WDR70: variants seen among roughly 807,000 people sequenced by gnomAD.
WDR70 encodes WD repeat-containing protein 70.
A neutral mutation model predicts 88.6 loss-of-function variants in WDR70; 53 were observed. That is an observed-to-expected ratio of 0.60 (90% CI 0.48 to 0.75). The LOEUF (loss-of-function observed/expected upper bound fraction) is 0.75, where lower values mean the gene tolerates loss of function less well. Among genes scored for constraint, WDR70 ranks in the 30% least tolerant of loss-of-function variants. The pLI is 0.00. For synonymous variants in WDR70, 280 were observed against 270.0 expected (o/e 1.04, Z -0.36); for missense variants, 610 against 823.2 (o/e 0.74, Z 3.17).
intron 9 of WDR70, among the ~76,000 whole-genome samples, chr5:37,551,386 C>A (rs921077374): frequency 1.3e-5 from 2 of 151,788 alleles, no homozygotes; most frequent in African/African-American, 4.8e-5. Context: ...AGCTTTTTAA[C>A]TTTTTGTTAT....
chr5:37,681,279 G>T (rs963805601), intron 10 of WDR70, among the ~76,000 whole-genome samples: 1 of 152,144 alleles, frequency 6.6e-6, no homozygotes, highest in Non-Finnish European at 1.5e-5. Flanking sequence ...TGTTGGTTTT[G>T]TATCCTGAGG....
chr5:37,667,993 T>C (rs574212889), intron 10 of WDR70, among the ~76,000 whole-genome samples: 33 of 152,236 alleles, frequency 2.2e-4, no homozygotes, highest in African/African-American at 7.7e-4. Context: ...GACAAGGCCA[T>C]GGTGTGCAAA....
At chr5:37,680,638 CTATT>C (rs1422606487) in intron 10 of WDR70, among the ~76,000 whole-genome samples, 4 of 152,158 alleles carry the variant, frequency 2.6e-5, no homozygotes, top group Non-Finnish European at 5.9e-5. Context: ...TCTCCTAGCG[CTATT>C]TATTAAATAG....
chr5:37,547,674 AC>A (rs1375419914), intron 9 of WDR70, among the ~76,000 whole-genome samples: 8 of 152,178 alleles, frequency 5.3e-5, no homozygotes, highest in Non-Finnish European at 1.5e-5. Flanking sequence ...TCTTAAATGT[AC>A]GATTAAATGA....
At chr5:37,630,498 A>G (rs1744781954) in intron 10 of WDR70, among the ~76,000 whole-genome samples, 1 of 152,102 alleles carries the variant, frequency 6.6e-6, no homozygotes, top group Non-Finnish European at 1.5e-5. Context: ...GCCCAGGGCT[A>G]TGTCAGCTGC....
intron 9 of WDR70, among the ~76,000 whole-genome samples, chr5:37,570,409 T>C (rs1180181462): frequency 6.6e-6 from 1 of 152,152 alleles, no homozygotes; most frequent in Non-Finnish European, 1.5e-5. Flanking sequence ...GATAGCTAGT[T>C]TTTTGCCTCT....
At chr5:37,599,129 G>A (rs1517785) in intron 9 of WDR70, among the ~76,000 whole-genome samples, 70,674 of 152,112 alleles carry the variant, frequency 0.46, 18,037 homozygotes, top group Non-Finnish European at 0.58. Context: ...AAACTTGCAG[G>A]CTTGCTTGGC....
intron 5 of WDR70, among the ~76,000 whole-genome samples, chr5:37,428,066 G>C (rs924586940): frequency 6.7e-6 from 1 of 149,126 alleles, no homozygotes; most frequent in African/African-American, 2.5e-5. Context: ...CCATCACCTA[G>C]ACTTGTTGAA....
chr5:37,379,452 C>T (rs1748350953), intron 1 of WDR70, 37 bp from the exon 2 acceptor site: 1 of 1,613,716 alleles, frequency 6.2e-7, no homozygotes, highest in Non-Finnish European at 8.5e-7. Flanking sequence ...TGGGGCGCCG[C>T]ACTAACTAGG....
intron 8 of WDR70, among the ~76,000 whole-genome samples, chr5:37,514,628 A>G (rs1230366351): frequency 1.3e-5 from 2 of 151,736 alleles, no homozygotes; most frequent in South Asian, 2.1e-4. Flanking sequence ...GCTCCCACTT[A>G]TAAGTGAGAA....
Position 37,747,508 on chromosome 5 carries a change from A to T in WDR70, c.1878-4978A>T, listed in dbSNP as rs372988419. Among the ~76,000 whole-genome samples the T allele has an allele frequency of 3.0e-4, 45 of 152,346 alleles. 2 individuals are homozygous for T. The South Asian group carries it at 9.1e-3, about 31-fold the overall frequency. On this transcript the variant is annotated intron_variant, in intron 17 of 17. Coordinates refer to ENST00000265107, the MANE Select transcript of WDR70 (RefSeq NM_018034.4). ...TATTGATGGAACATATCTCAAAATA[A>T]TAAGAGCTATTTATGACAAACCCAC...
intron 2 of WDR70, among the ~76,000 whole-genome samples, chr5:37,380,297 C>T (rs891038803): frequency 3.3e-5 from 5 of 151,948 alleles, no homozygotes; most frequent in Admixed American, 2.6e-4. Flanking sequence ...ACATATTGGC[C>T]TTGGGTTGTG....
intron 9 of WDR70, among the ~76,000 whole-genome samples, chr5:37,584,001 T>A (rs529738521): frequency 6.6e-6 from 1 of 152,344 alleles, no homozygotes; most frequent in East Asian, 1.9e-4. Flanking sequence ...TAGACAGGAC[T>A]ATGAAATGTG....
chr5:37,575,672 A>G (rs954021153), intron 9 of WDR70, among the ~76,000 whole-genome samples: 1 of 152,158 alleles, frequency 6.6e-6, no homozygotes, highest in Admixed American at 6.5e-5. Context: ...CTTACCCTAT[A>G]TACCGCTCTT....
intron 7 of WDR70, among the ~76,000 whole-genome samples, chr5:37,448,235 T>C (rs540208494): frequency 2.0e-5 from 3 of 152,328 alleles, no homozygotes; most frequent in African/African-American, 7.2e-5. Flanking sequence ...CCTTGATTGC[T>C]GTATAATTTT....
intron 9 of WDR70, among the ~76,000 whole-genome samples, chr5:37,602,866 A>G (rs1743927884): frequency 6.6e-6 from 1 of 152,088 alleles, no homozygotes; most frequent in African/African-American, 2.4e-5. Context: ...AATGCCAGCT[A>G]CTCAGGAGGC....
chr5:37,698,200 A>C (rs560388782), intron 11 of WDR70, among the ~76,000 whole-genome samples: 1 of 152,288 alleles, frequency 6.6e-6, no homozygotes, highest in South Asian at 2.1e-4. Flanking sequence ...AAAAGTCTAT[A>C]TCTAGATGAG....
intron 9 of WDR70, among the ~76,000 whole-genome samples, chr5:37,564,561 GAGAGGGAGAGGGAGA>G (rs909522895): frequency 3.0e-5 from 3 of 99,984 alleles, no homozygotes; most frequent in African/African-American, 8.3e-5. Context: ...AGACCGTGGG[GAGAGGGAGAGGGAGA>G]GGAGGGAGAG....
At chr5:37,415,671 C>T (rs1749708502) in intron 5 of WDR70, among the ~76,000 whole-genome samples, 1 of 151,118 alleles carries the variant, frequency 6.6e-6, no homozygotes, top group Non-Finnish European at 1.5e-5. Context: ...GCTGACCCCC[C>T]CACCTCCCTC....
Sources: allele counts gnomAD v4.1 joint callset (sites outside exome capture counted in the v4.1 genomes callset), GRCh38; gene constraint gnomAD v4.1.1; transcripts MANE v1.5; gene names NCBI Gene and HGNC (gene_info 2026-07-23, HGNC 2026-07-21).